The following YPEL2 variants were observed in gnomAD, a reference collection of about 807,000 sequenced individuals.
YPEL2 encodes the protein protein yippee-like 2.
Under a neutral mutation model 19.1 loss-of-function variants are expected in YPEL2, and 2 were observed. That is an observed-to-expected ratio of 0.10 (90% CI 0.04 to 0.33). The LOEUF (loss-of-function observed/expected upper bound fraction) is 0.33, where lower values mean the gene tolerates loss of function less well. Ranked by LOEUF, YPEL2 falls within the 10% of genes least tolerant of loss-of-function variation. The pLI, the probability that YPEL2 is intolerant of heterozygous loss-of-function variation, is 1.00. For missense variants in YPEL2, 66 were observed against 140.7 expected, an observed-to-expected ratio of 0.47 and a Z score of 2.68; for synonymous variants, 52 against 50.0, an observed-to-expected ratio of 1.04 and a Z score of -0.17.
At chr17:59,355,331 C>G (rs2047807316) in intron 2 of YPEL2, 1 of 152,168 alleles carries the variant, frequency 6.6e-6, no homozygotes, top group Non-Finnish European at 1.5e-5. Flanking sequence ...GTTCTTTGAT[C>G]TGGGCCTTGT....
rs1035526744 is a variant in YPEL2 at position 59,344,346 on chromosome 17, G to A, written c.-195-8869G>A. 1.3e-4 allele frequency among the ~76,000 whole-genome samples: 20 copies of A among 152,298 alleles called. 1 individual carries two copies. In the East Asian group the frequency reaches 2.5e-3, roughly 19 times the overall value. On this transcript the variant is annotated intron_variant, in intron 1 of 4. Transcript: ENST00000312655. Reference sequence around the variant, plus strand: ...CAAGAACGATGGAAGGAGAACAGCCGGGGAGATTGAGGCTCAAACAGAGAG... The same window carrying A: ...CAAGAACGATGGAAGGAGAACAGCCAGGGAGATTGAGGCTCAAACAGAGAG...
intron 2 of YPEL2, among the ~76,000 whole-genome samples, chr17:59,357,731 TTC>T (rs2047820091): frequency 6.6e-6 from 1 of 152,176 alleles, no homozygotes; most frequent in South Asian, 2.1e-4. Flanking sequence ...TATGAAAATT[TTC>T]TGTCTGTCAT....
At position 59,353,178 on chromosome 17, in the gene YPEL2, A is replaced by G. The variant is rs1009178833; in HGVS notation, c.-195-37A>G. On this transcript the variant is annotated intron_variant, in intron 1 of 4. Coordinates refer to ENST00000312655, the MANE Select transcript of YPEL2 (RefSeq NM_001005404.4). The surrounding 1 kb of genome is among the most constrained non-coding windows in gnomAD (Gnocchi z 4.8). ...CTTGCTTTGTAGGGAGCCCTGCTCCATCAGCCAATGTTAGTCCTCTTCCCT... is the reference window on the plus strand; with the variant it reads ...CTTGCTTTGTAGGGAGCCCTGCTCCGTCAGCCAATGTTAGTCCTCTTCCCT... 2.0e-5 allele frequency: 8 copies of G among 406,536 alleles called. No individual in the cohort carries two copies. The South Asian group carries it at 3.8e-4, about 19-fold the overall frequency. The allele number at this position is 406,536 out of a possible 1,614,324, so 25.2% of individuals were successfully genotyped here. A position where few individuals can be genotyped will look rare whatever the true frequency, so the allele number is the denominator to read the frequency against.
Position 59,343,988 on chromosome 17 carries a change from G to A in YPEL2, c.-195-9227G>A, listed in dbSNP as rs77304332. Among the ~76,000 whole-genome samples the A allele has an allele frequency of 3.4e-3, 517 of 152,220 alleles. 1 individual carries two copies. The highest frequency in any genetic ancestry group is 6.3e-3 in the Non-Finnish European group (429 of 68,004). On this transcript the variant is annotated intron_variant, in intron 1 of 4. Coordinates refer to ENST00000312655, the MANE Select transcript of YPEL2 (RefSeq NM_001005404.4). ...TCTAGGAAGCAGAACCAACTGTCTA[G>A]GGGACAAATGAAGTATGACATAGAA...
intron 2 of YPEL2, among the ~76,000 whole-genome samples, chr17:59,365,206 T>A (rs983789314): frequency 6.6e-6 from 1 of 152,214 alleles, no homozygotes; most frequent in African/African-American, 2.4e-5. Context: ...GTCTCAGCAG[T>A]TGCCCTTGAG....
At chr17:59,385,911 G>A (rs185194725) in intron 2 of YPEL2, among the ~76,000 whole-genome samples, 49 of 152,330 alleles carry the variant, frequency 3.2e-4, no homozygotes, top group African/African-American at 1.2e-3. Context: ...ACATTCTTAT[G>A]TGTTTGGCAT....
chr17:59,392,219 A>G (rs758042856), intron 4 of YPEL2, among the ~76,000 whole-genome samples: 5 of 152,192 alleles, frequency 3.3e-5, no homozygotes, highest in Non-Finnish European at 5.9e-5. Flanking sequence ...TTGAAGATAC[A>G]TGATAAGCCT....
intron 4 of YPEL2, among the ~76,000 whole-genome samples, chr17:59,391,719 G>T (rs1034245004): frequency 1.3e-5 from 2 of 152,118 alleles, no homozygotes; most frequent in African/African-American, 4.8e-5. Context: ...CCAACATATA[G>T]TGAAACTCCG....
intron 2 of YPEL2, among the ~76,000 whole-genome samples, chr17:59,381,488 G>T (rs1044294045): frequency 6.6e-6 from 1 of 152,112 alleles, no homozygotes; most frequent in African/African-American, 2.4e-5. Context: ...TATCACCAGG[G>T]GGAAGAAACT....
At chr17:59,336,502 T>G (rs2047699425) in intron 1 of YPEL2, among the ~76,000 whole-genome samples, 2 of 152,206 alleles carry the variant, frequency 1.3e-5, no homozygotes, top group African/African-American at 2.4e-5. Context: ...ACCTGGATAA[T>G]TAGCTCTGTG....
intron 2 of YPEL2, among the ~76,000 whole-genome samples, chr17:59,385,532 C>A (rs970594034): frequency 2.6e-5 from 4 of 152,140 alleles, no homozygotes; most frequent in Non-Finnish European, 5.9e-5. Context: ...GAGCCATGAT[C>A]GTGCCTTTAC....
At chr17:59,396,690 G>A (rs764557299) in intron 4 of YPEL2, among the ~76,000 whole-genome samples, 1 of 152,200 alleles carries the variant, frequency 6.6e-6, no homozygotes, top group African/African-American at 2.4e-5. Flanking sequence ...CCAGACCGTG[G>A]TGACGCTGAT....
At chr17:59,339,792 C>G (rs1348558500) in intron 1 of YPEL2, among the ~76,000 whole-genome samples, 3 of 152,140 alleles carry the variant, frequency 2.0e-5, no homozygotes, top group Non-Finnish European at 4.4e-5. Context: ...GGGTCATCAT[C>G]ATAATGCCTG....
At chr17:59,371,137 T>C (rs564434020) in intron 2 of YPEL2, among the ~76,000 whole-genome samples, 18 of 152,236 alleles carry the variant, frequency 1.2e-4, no homozygotes, top group African/African-American at 4.3e-4. Context: ...TTGCCCCAAA[T>C]ACCCAGTCTC....
At chr17:59,387,997 A>G (rs1195031528) in intron 2 of YPEL2, among the ~76,000 whole-genome samples, 3 of 152,202 alleles carry the variant, frequency 2.0e-5, no homozygotes, top group African/African-American at 7.2e-5. Flanking sequence ...GGAAACGCCA[A>G]TGCGGATTAA....
rs1452561806 is a variant in YPEL2 at position 59,400,142 on chromosome 17, C to T, written c.*2952C>T. Reference sequence around the variant, plus strand: ...GCTGATGGATTGATTTGACATGAACCAAACACAGCCAAACTCGATACCCAC... The same window carrying T: ...GCTGATGGATTGATTTGACATGAACTAAACACAGCCAAACTCGATACCCAC... On this transcript the variant is annotated 3_prime_UTR_variant, in exon 5 of 5. Transcript: ENST00000312655. 6.6e-6 allele frequency: 1 copy of T among 152,546 alleles called. No individual in the cohort carries two copies. The highest frequency in any genetic ancestry group is 1.5e-5 in the Non-Finnish European group (1 of 68,024). The allele number at this position is 152,546 out of a possible 1,614,324, so 9.4% of individuals were successfully genotyped here. A position where few individuals can be genotyped will look rare whatever the true frequency, so the allele number is the denominator to read the frequency against.
Position 59,353,674 on chromosome 17 carries a change from A to C in YPEL2, c.117+148A>C. The C allele has an allele frequency of 1.4e-6, 1 of 717,892 alleles. No homozygotes were observed. 44.5% of individuals were successfully genotyped at this position (717,892 alleles called of 1,614,324 possible). On this transcript the variant is annotated intron_variant, in intron 2 of 4. Coordinates refer to ENST00000312655, the MANE Select transcript of YPEL2 (RefSeq NM_001005404.4). This position sits in a 1 kb window ranked among gnomAD's most constrained non-coding sequence, Gnocchi z 4.8. Reference sequence around the variant, plus strand: ...CCCACGTGACCGTCTCACTCAACTGAGAAAAACTCTGAGTTGGAGGGACAG... The same window carrying C: ...CCCACGTGACCGTCTCACTCAACTGCGAAAAACTCTGAGTTGGAGGGACAG...
chr17:59,391,007 GTTATTT>G (rs1442513757), intron 4 of YPEL2, among the ~76,000 whole-genome samples: 1 of 152,136 alleles, frequency 6.6e-6, no homozygotes, highest in African/African-American at 2.4e-5. Flanking sequence ...AACTTAAATT[GTTATTT>G]TTATTATTAG....
intron 4 of YPEL2, among the ~76,000 whole-genome samples, chr17:59,391,462 A>C (rs1245146431): frequency 6.6e-6 from 1 of 152,138 alleles, no homozygotes; most frequent in African/African-American, 2.4e-5. Context: ...TGAGCAGTAC[A>C]TGCCAGGCAC....
Sources: allele counts gnomAD v4.1 joint callset (sites outside exome capture counted in the v4.1 genomes callset), GRCh38; gene constraint gnomAD v4.1.1; non-coding constraint Gnocchi (gnomAD v3.1); transcripts MANE v1.5; gene names NCBI Gene and HGNC (gene_info 2026-07-23, HGNC 2026-07-21).